TRIM34: variants seen among roughly 807,000 people sequenced by gnomAD.
TRIM34 encodes the protein tripartite motif containing 34, also known as E3 ubiquitin-protein ligase TRIM34.
A neutral mutation model predicts 38.1 loss-of-function variants in TRIM34; 41 were observed. The ratio of observed to expected loss-of-function variants is 1.08; its 90% confidence interval spans 0.84 to 1.40. TRIM34 has a LOEUF of 1.40. Among genes scored for constraint, TRIM34 ranks in the 40% most tolerant of loss-of-function variants. TRIM34 has a pLI of 0.00. For missense variants in TRIM34, 556 were observed against 571.4 expected (o/e 0.97, Z 0.27); for synonymous variants, 200 against 202.5 (o/e 0.99, Z 0.10).
intron 1 of TRIM34, chr11:5,626,472 T>C (rs1849239856): frequency 6.6e-6 from 1 of 152,230 alleles, no homozygotes; most frequent in Non-Finnish European, 1.5e-5. Flanking sequence ...AAGAACACAT[T>C]TGAGTAGAAT....
At chr11:5,631,949 G>A (rs1849499938) in intron 1 of TRIM34, among the ~76,000 whole-genome samples, 1 of 152,180 alleles carries the variant, frequency 6.6e-6, no homozygotes, top group African/African-American at 2.4e-5. Flanking sequence ...GTTTGTGGTT[G>A]TGCTGTACTT....
chr11:5,642,878 C>T (rs776670296), intron 7 of TRIM34, 35 bp downstream of exon 7: 2 of 1,612,866 alleles, frequency 1.2e-6, no homozygotes, highest in East Asian at 2.2e-5. Context: ...AACTGTTTTC[C>T]AATTACCTTT....
chr11:5,643,705 C>G lies in TRIM34; in HGVS notation c.1463C>G (p.Ser488Cys). The G allele has an allele frequency of 6.4e-7, 1 of 1,573,712 alleles. No individual in the cohort carries two copies. The highest frequency in any genetic ancestry group is 8.6e-7 in the Non-Finnish European group (1 of 1,165,076). ...CCCATGACTCTATGCCCACCAAGCT[C>G]TTGAATTTTCTCATTTCTTCACCTA... is the stretch of plus-strand genomic sequence containing the variant. ...PAPMTLCPPS[S>C] The change falls in exon 8 of 8, where the codon TCT becomes TGT. Residue 488 changes from serine (S) to cysteine (C), a missense_variant. By Grantham distance (112) the Ser-to-Cys change is moderately radical. Transcript: ENST00000429814.
At chr11:5,639,423 G>A (rs895903590) in intron 4 of TRIM34, among the ~76,000 whole-genome samples, 6 of 152,046 alleles carry the variant, frequency 3.9e-5, no homozygotes. Flanking sequence ...GCTCACACCT[G>A]TAATCCCAGC....
chr11:5,631,783 A>G (rs1043129232), intron 1 of TRIM34, among the ~76,000 whole-genome samples: 1 of 152,244 alleles, frequency 6.6e-6, no homozygotes, highest in South Asian at 2.1e-4. Context: ...TTTATCAAAC[A>G]TTGTGCTTCT....
Position 5,643,441 on chromosome 11 carries a change from T to TAGGGTTAC in TRIM34, c.1202_1209dup (p.Asn404GlyfsTer22), listed in dbSNP as rs753118424. ...AGACCTCTATTTGGCTACTGGGTTA[T>TAGGGTTAC]AGGGTTACAGAATAAATGTAAGTAT... On this transcript the variant is annotated frameshift_variant, in exon 8 of 8. Transcript: ENST00000429814. LOFTEE classifies it low-confidence loss of function (END_TRUNC). 1.9e-6 allele frequency: 3 copies of TAGGGTTAC among 1,614,214 alleles called. No homozygotes were observed. The highest frequency in any genetic ancestry group is 2.5e-6 in the Non-Finnish European group (3 of 1,180,032).
chr11:5,634,530 C>CACACACACACAT (rs1491498839), intron 3 of TRIM34, 101 bp from the exon 4 acceptor site: 4 of 261,984 alleles, frequency 1.5e-5, no homozygotes, highest in African/African-American at 9.9e-5. Context: ...CACACACACA[C>CACACACACACAT]ATATATATAT....
chr11:5,621,776 C>A (rs553089954), upstream of TRIM34, among the ~76,000 whole-genome samples: 1 of 152,170 alleles, frequency 6.6e-6, no homozygotes, highest in Non-Finnish European at 1.5e-5. Flanking sequence ...AAAGGCTAAT[C>A]AGAAACTCAA....
chr11:5,633,738 G>T, intron 2 of TRIM34, 66 bp from the exon 3 acceptor site: 1 of 1,481,382 alleles, frequency 6.8e-7, no homozygotes, highest in Non-Finnish European at 9.0e-7. Context: ...TTTTTTCCCT[G>T]TTTGTCCTCT....
chr11:5,635,031 A>T (rs913235263), intron 4 of TRIM34, among the ~76,000 whole-genome samples, 170 bp downstream of exon 4: 12 of 152,092 alleles, frequency 7.9e-5, no homozygotes, highest in African/African-American at 2.9e-4. Flanking sequence ...TTATGAAGTA[A>T]GGGAATACAT....
chr11:5,625,650 T>C (rs781595037), intron 1 of TRIM34, among the ~76,000 whole-genome samples: 18 of 152,150 alleles, frequency 1.2e-4, no homozygotes, highest in Non-Finnish European at 2.6e-4. Context: ...TCCCTGACAA[T>C]AGCAGGTTGA....
At chr11:5,640,767 A>G (rs1263575134) in intron 4 of TRIM34, among the ~76,000 whole-genome samples, 1 of 152,164 alleles carries the variant, frequency 6.6e-6, no homozygotes, top group Non-Finnish European at 1.5e-5. Flanking sequence ...CAGTGAAGCC[A>G]TCTGGGTGAG....
At chr11:5,632,890 G>C (rs2133927216) in intron 2 of TRIM34, 136 bp downstream of exon 2, 4 of 1,211,178 alleles carry the variant, frequency 3.3e-6, no homozygotes, top group Non-Finnish European at 4.3e-6. Context: ...GCAGTGGCGT[G>C]CTCTCGGCTC....
At chr11:5,637,049 T>C (rs1450410582) in intron 4 of TRIM34, among the ~76,000 whole-genome samples, 1 of 152,186 alleles carries the variant, frequency 6.6e-6, no homozygotes, top group Non-Finnish European at 1.5e-5. Flanking sequence ...GGCGGCTGCC[T>C]GTAGTCCCAG....
chr11:5,627,811 G>T (rs1849310340), intron 1 of TRIM34, among the ~76,000 whole-genome samples: 1 of 152,188 alleles, frequency 6.6e-6, no homozygotes. Flanking sequence ...TCCAGAAGAA[G>T]TGTCTAGGAT....
At chr11:5,635,202 GT>G (rs201329830) in intron 4 of TRIM34, among the ~76,000 whole-genome samples, 4,219 of 150,890 alleles carry the variant, frequency 0.028, 183 homozygotes, top group African/African-American at 0.094. Flanking sequence ...TAAGAAATGT[GT>G]TCTATTTAAG....
upstream of TRIM34, among the ~76,000 whole-genome samples, chr11:5,624,289 GCA>G (rs368175453): frequency 1.1e-4 from 17 of 152,144 alleles, no homozygotes; most frequent in African/African-American, 3.6e-4. Context: ...CATTTACTGT[GCA>G]CAGTTTGATG....
At chr11:5,629,304 G>T (rs912355201) in intron 1 of TRIM34, among the ~76,000 whole-genome samples, 4 of 152,054 alleles carry the variant, frequency 2.6e-5, no homozygotes, top group East Asian at 3.9e-4. Context: ...ACAGGTCATT[G>T]AATTTAGGGC....
chr11:5,633,653 AT>A, intron 2 of TRIM34, 150 bp from the exon 3 acceptor site: 1 of 666,028 alleles, frequency 1.5e-6, no homozygotes, highest in Non-Finnish European at 2.4e-6. Context: ...TCTCCTCAAA[AT>A]TTTCCCCATG....
Sources: allele counts gnomAD v4.1 joint callset (sites outside exome capture counted in the v4.1 genomes callset), GRCh38; gene constraint gnomAD v4.1.1; transcripts MANE v1.5; gene names NCBI Gene and HGNC (gene_info 2026-07-23, HGNC 2026-07-21).